TTLL5: variants seen among roughly 807,000 people sequenced by gnomAD.
The protein encoded by TTLL5 is tubulin tyrosine ligase like 5.
TTLL5 carries 132 observed loss-of-function variants against 168.4 expected under a neutral mutation model. That is an observed-to-expected ratio of 0.78 (90% CI 0.68 to 0.91). The LOEUF (loss-of-function observed/expected upper bound fraction) is 0.91, where lower values mean the gene tolerates loss of function less well. Among genes scored for constraint, TTLL5 ranks in the 40% least tolerant of loss-of-function variants. The pLI is 0.00. For synonymous variants in TTLL5, 546 were observed against 558.6 expected (o/e 0.98, Z 0.32); for missense variants, 1,545 against 1,581.5 (o/e 0.98, Z 0.39).
At chr14:75,951,604 T>C (rs941053653) in intron 31 of TTLL5, among the ~76,000 whole-genome samples, 1 of 150,502 alleles carries the variant, frequency 6.6e-6, no homozygotes, top group Non-Finnish European at 1.5e-5. Flanking sequence ...TACAAAAAAA[T>C]TTAAAAACTA....
At chr14:75,671,001 T>A (rs1756281660) in intron 3 of TTLL5, among the ~76,000 whole-genome samples, 1 of 152,198 alleles carries the variant, frequency 6.6e-6, no homozygotes, top group South Asian at 2.1e-4. Context: ...ATCCCTGTGC[T>A]TTTTTCTAAG....
intron 26 of TTLL5, among the ~76,000 whole-genome samples, chr14:75,786,561 C>G (rs534678573): frequency 6.6e-6 from 1 of 151,976 alleles, no homozygotes. Context: ...TGACAATATG[C>G]GGACAAAAAT....
At chr14:75,696,286 C>T (rs1026541832) in intron 6 of TTLL5, among the ~76,000 whole-genome samples, 4 of 151,978 alleles carry the variant, frequency 2.6e-5, no homozygotes, top group African/African-American at 7.3e-5. Flanking sequence ...TCTGTTTTTT[C>T]GGCTAGTCTA....
intron 26 of TTLL5, among the ~76,000 whole-genome samples, chr14:75,786,046 A>T (rs1047918532): frequency 6.6e-6 from 1 of 152,210 alleles, no homozygotes; most frequent in Non-Finnish European, 1.5e-5. Context: ...TAGCCAGTCT[A>T]TATTTCTTAA....
intron 9 of TTLL5, chr14:75,710,175 A>C (rs540801957): frequency 1.3e-5 from 2 of 152,320 alleles, no homozygotes; most frequent in Admixed American, 6.5e-5. Flanking sequence ...AATATTCCAA[A>C]GATATTTTCA....
intron 20 of TTLL5, among the ~76,000 whole-genome samples, chr14:75,769,510 G>C (rs1349136651): frequency 6.6e-6 from 1 of 152,094 alleles, no homozygotes; most frequent in Non-Finnish European, 1.5e-5. Context: ...ATTAACATTC[G>C]TGACGTTTAT....
intron 28 of TTLL5, among the ~76,000 whole-genome samples, chr14:75,827,974 C>T (rs1473798282): frequency 2.0e-5 from 3 of 152,006 alleles, no homozygotes; most frequent in Non-Finnish European, 2.9e-5. Flanking sequence ...GCCTCAGTCT[C>T]CCAAAGTGCT....
chr14:75,772,180 A>C (rs1416230130), intron 21 of TTLL5, among the ~76,000 whole-genome samples: 1 of 152,152 alleles, frequency 6.6e-6, no homozygotes, highest in Non-Finnish European at 1.5e-5. Flanking sequence ...AAGAATAACA[A>C]TTTACAGTCT....
intron 12 of TTLL5, among the ~76,000 whole-genome samples, chr14:75,731,370 TACATACACACACACAC>T (rs977760009): frequency 1.3e-5 from 1 of 78,574 alleles, no homozygotes; most frequent in African/African-American, 4.8e-5. Flanking sequence ...AATATACACA[TACATACACACACACAC>T]ACACACACAC....
intron 17 of TTLL5, among the ~76,000 whole-genome samples, chr14:75,747,831 T>C (rs1889705104): frequency 6.6e-6 from 1 of 152,206 alleles, no homozygotes; most frequent in South Asian, 2.1e-4. Flanking sequence ...TGCACTTTGC[T>C]CAGCCTTGTG....
chr14:75,856,625 CTTT>C (rs35004666), intron 28 of TTLL5, among the ~76,000 whole-genome samples: 6 of 97,256 alleles, frequency 6.2e-5, no homozygotes, highest in Non-Finnish European at 6.3e-5. Flanking sequence ...AGTTGTATTG[CTTT>C]TTTTTTTTTT....
intron 17 of TTLL5, among the ~76,000 whole-genome samples, chr14:75,749,646 T>C (rs1319104907): frequency 6.6e-6 from 1 of 152,134 alleles, no homozygotes; most frequent in African/African-American, 2.4e-5. Flanking sequence ...TCATTTTCTG[T>C]TTATTTTTCC....
At chr14:75,891,820 C>A (rs1452396328) in intron 30 of TTLL5, among the ~76,000 whole-genome samples, 1 of 152,190 alleles carries the variant, frequency 6.6e-6, no homozygotes, top group East Asian at 1.9e-4. Context: ...CTTGGCTTAA[C>A]TAACTTTTCT....
At chr14:75,667,821 C>G (rs1266998564) in intron 2 of TTLL5, among the ~76,000 whole-genome samples, 2 of 133,842 alleles carry the variant, frequency 1.5e-5, no homozygotes, top group Non-Finnish European at 3.1e-5. Flanking sequence ...AGTGTAGTGG[C>G]ACGATCTTGG....
At chr14:75,896,449 G>C (rs567755481) in intron 30 of TTLL5, among the ~76,000 whole-genome samples, 7 of 152,210 alleles carry the variant, frequency 4.6e-5, no homozygotes, top group South Asian at 4.2e-4. Context: ...CCACAGCCCT[G>C]GTAAGATCAG....
At chr14:75,755,964 A>G (rs944536726) in intron 18 of TTLL5, among the ~76,000 whole-genome samples, 1 of 151,810 alleles carries the variant, frequency 6.6e-6, no homozygotes, top group Admixed American at 6.6e-5. Context: ...ACCCTGGCTT[A>G]TGTCCTGGCC....
In TTLL5 at chr14:75,926,156, C is replaced by CTTTTT. The variant is rs34048806; in HGVS notation, c.3823+23956_3823+23960dup. ...TTAAAGACTAGGATTGCAACCCCAGCTTTTTTTTTTTTTTTTTTTTTTTTT... is the reference window on the plus strand; with the variant it reads ...TTAAAGACTAGGATTGCAACCCCAGCTTTTTTTTTTTTTTTTTTTTTTTTTTTTTT... On this transcript the variant is annotated intron_variant, in intron 31 of 31. Transcript: ENST00000298832. Among the ~76,000 whole-genome samples the CTTTTT allele has an allele frequency of 4.0e-4, 12 of 29,958 alleles. 1 individual carries two copies. The highest frequency in any genetic ancestry group is 7.7e-4 in the African/African-American group (4 of 5,186). The allele number at this position is 29,958 out of a possible 152,430, so 19.7% of individuals were successfully genotyped here. A position where few individuals can be genotyped will look rare whatever the true frequency, so the allele number is the denominator to read the frequency against.
At position 75,766,250 on chromosome 14, in the gene TTLL5, A is replaced by G. The variant is rs141429300; in HGVS notation, c.1897A>G (p.Asn633Asp). ...TALVENTPKE[N>D]SMKVREWNNK... ...TTTGGTAGAAAATACACCCAAAGAA[A>G]ATTCCATGAAAGTTCGTGAATGGAA... The change falls in exon 20 of 32, where the codon AAT (asparagine) becomes GAT (aspartate). Residue 633 changes from asparagine to aspartate, a missense_variant. Physicochemically the swap from Asn to Asp is conservative, Grantham distance 23 (BLOSUM62 1). Transcript: ENST00000298832. 7.4e-4 allele frequency: 1,192 copies of G among 1,614,118 alleles called. No individual in the cohort carries two copies. Among genetic ancestry groups the G allele is most frequent in the Non-Finnish European group, 8.7e-4 (1,023 of 1,180,000 alleles).
At chr14:75,851,357 G>A (rs1896843920) in intron 28 of TTLL5, among the ~76,000 whole-genome samples, 1 of 152,106 alleles carries the variant, frequency 6.6e-6, no homozygotes, top group Admixed American at 6.6e-5. Context: ...TTTAGGCATT[G>A]AGAATATAAT....
Sources: gnomAD v4.1 joint callset for allele counts (sites outside exome capture counted in the v4.1 genomes callset) on GRCh38, gnomAD v4.1.1 for gene constraint, MANE v1.5 for transcripts, NCBI Gene and HGNC (gene_info 2026-07-23, HGNC 2026-07-21) for gene names.